The following PPARA variants were observed in gnomAD, a reference collection of about 807,000 sequenced individuals.
The protein encoded by PPARA is peroxisome proliferator-activated receptor alpha.
A neutral mutation model predicts 42.2 loss-of-function variants in PPARA; 22 were observed. The ratio of observed to expected loss-of-function variants is 0.52; its 90% CI spans 0.37 to 0.74. The LOEUF (loss-of-function observed/expected upper bound fraction) is 0.74. Among genes scored for constraint, PPARA ranks in the 30% least tolerant of loss-of-function variants. The pLI, the probability that PPARA is intolerant of heterozygous loss-of-function variation, is 0.00. For synonymous variants in PPARA, 242 were observed against 239.3 expected, an observed-to-expected ratio of 1.01 and a Z score of -0.10; for missense variants, 465 against 608.2, an observed-to-expected ratio of 0.76 and a Z score of 2.48.
chr22:46,223,117 C>T (rs1246294039), intron 7 of PPARA, among the ~76,000 whole-genome samples: 1 of 152,188 alleles, frequency 6.6e-6, no homozygotes, highest in Non-Finnish European at 1.5e-5. Flanking sequence ...GATCGCGCCA[C>T]TGCACTCCAG....
rs1028551756 is a variant in PPARA, at chr22:46,222,605, G to A, written c.711+2591G>A. Among the ~76,000 whole-genome samples the A allele has an allele frequency of 6.6e-6, 1 of 152,178 alleles. No homozygotes were observed. Among genetic ancestry groups the A allele is most frequent in the Non-Finnish European group, 1.5e-5 (1 of 68,032 alleles). ...CCCAATTAGAACTTTCCTGGATTAC[G>A]AGAGTGAAAGAAAAGGTAACTTTTA... On this transcript the variant is annotated intron_variant, in intron 7 of 8. Coordinates refer to ENST00000407236, the MANE Select transcript of PPARA (RefSeq NM_005036.6). The surrounding 1 kb of genome is among the most constrained non-coding windows in gnomAD (Gnocchi z 5.9).
rs748231811 is a variant in PPARA, at chr22:46,165,660, C to T, written c.-126-11093C>T. 1.3e-5 allele frequency among the ~76,000 whole-genome samples: 2 copies of T among 152,172 alleles called. No individual in the cohort carries two copies. The highest frequency in any genetic ancestry group is 1.9e-4 in the East Asian group (1 of 5,200). On this transcript the variant is annotated intron_variant, in intron 2 of 8. Coordinates refer to ENST00000407236, the MANE Select transcript of PPARA (RefSeq NM_005036.6). This position sits in a 1 kb window ranked among gnomAD's most constrained non-coding sequence, Gnocchi z 5.5. ...TACAGGTGACCTGGAAACGGATCAG[C>T]GTAATCGAGGACTGAAGTCCAGTTC...
At position 46,218,280 on chromosome 22, in the gene PPARA, G is replaced by A. The variant is rs768967658; in HGVS notation, c.387G>A (p.Thr129=). The A allele has an allele frequency of 1.4e-5, 22 of 1,613,948 alleles. No homozygotes were observed. The highest frequency in any genetic ancestry group is 1.6e-4 in the Middle Eastern group (1 of 6,084). The change falls in exon 6 of 9, where the codon ACG becomes ACA. Residue 129 remains threonine (T), a synonymous_variant. Coordinates refer to ENST00000407236, the MANE Select transcript of PPARA (RefSeq NM_005036.6). ...CCTCACAGGGCTTCTTTCGGCGAAC[G>A]ATTCGACTCAAGCTGGTGTATGACA... ...CEGCKGFFRR[T]IRLKLVYDKC...
intron 4 of PPARA, among the ~76,000 whole-genome samples, chr22:46,201,433 C>A (rs5766714): frequency 6.6e-6 from 1 of 152,052 alleles, no homozygotes; most frequent in Non-Finnish European, 1.5e-5. Flanking sequence ...AGAGGATAAG[C>A]GCTGTGGAAG....
At position 46,241,921 on chromosome 22, in the gene PPARA, A is replaced by G. The variant is rs1349482348; in HGVS notation, c.*6541A>G. On this transcript the variant is annotated 3_prime_UTR_variant, in exon 9 of 9. Transcript: ENST00000407236. This position sits in a 1 kb window ranked among gnomAD's most constrained non-coding sequence, Gnocchi z 5.7. ...TGTTAGATGGATTATTTGAAAAAAA[A>G]AAAAAAAAAAGAGAGAAAAAATAAT... The G allele has an allele frequency of 6.6e-6, 1 of 151,870 alleles. No homozygotes were observed. Among genetic ancestry groups the G allele is most frequent in the African/African-American group, 2.4e-5 (1 of 41,346 alleles). The allele number at this position is 151,870 out of a possible 1,614,324, so 9.4% of individuals were successfully genotyped here. A position where few individuals can be genotyped will look rare whatever the true frequency, so the allele number is the denominator to read the frequency against.
chr22:46,226,521 G>T (rs1051499549), intron 7 of PPARA, among the ~76,000 whole-genome samples: 1 of 152,166 alleles, frequency 6.6e-6, no homozygotes, highest in Non-Finnish European at 1.5e-5. Flanking sequence ...GCTCCAAATT[G>T]TTGGGGATTA....
In PPARA at chr22:46,162,589, T is replaced by C. The variant is rs985951390; in HGVS notation, c.-127+10619T>C. 3.3e-5 allele frequency among the ~76,000 whole-genome samples: 5 copies of C among 152,174 alleles called. No homozygotes were observed. The highest frequency in any genetic ancestry group is 1.2e-4 in the African/African-American group (5 of 41,452). On this transcript the variant is annotated intron_variant, in intron 2 of 8. Transcript: ENST00000407236. This position sits in a 1 kb window ranked among gnomAD's most constrained non-coding sequence, Gnocchi z 6.0. The stretch of plus-strand genomic sequence containing the variant: ...ACTCAGGCAGTGTTTATTCAAGTGA[T>C]GGCTTGGTGACAGTGGCTCTCCCTG...
rs963352690 is a variant in PPARA, at chr22:46,165,623, C to T, written c.-126-11130C>T. Among the ~76,000 whole-genome samples, 30 of 152,162 alleles carry T rather than the reference C, an allele frequency of 2.0e-4. No homozygotes were observed. Among genetic ancestry groups the T allele is most frequent in the Non-Finnish European group, 2.1e-4 (14 of 68,026 alleles). On this transcript the variant is annotated intron_variant, in intron 2 of 8. Coordinates refer to ENST00000407236, the MANE Select transcript of PPARA (RefSeq NM_005036.6). The surrounding 1 kb of genome is among the most constrained non-coding windows in gnomAD (Gnocchi z 5.5). The stretch of plus-strand genomic sequence containing the variant: ...CTTTGGATTGGGACCCAAAAAAGCT[C>T]CATCCCAGGAGTACAGGTGACCTGG...
chr22:46,223,949 CAAA>C (rs961106248), intron 7 of PPARA, among the ~76,000 whole-genome samples: 7 of 91,036 alleles, frequency 7.7e-5, no homozygotes, highest in African/African-American at 8.2e-5. Context: ...GACTCCATCT[CAAA>C]AAAAAAAAAA....
In PPARA at chr22:46,235,499, C is replaced by T. The variant is rs1234847591; in HGVS notation, c.*119C>T. ...CACCACTTTAACCTTAGAGCTTGGACAGTCTGAGCTGTAGGTAACCGGCAT... is the reference window on the plus strand; with the variant it reads ...CACCACTTTAACCTTAGAGCTTGGATAGTCTGAGCTGTAGGTAACCGGCAT... On this transcript the variant is annotated 3_prime_UTR_variant, in exon 9 of 9. Coordinates refer to ENST00000407236, the MANE Select transcript of PPARA (RefSeq NM_005036.6). The surrounding 1 kb of genome is among the most constrained non-coding windows in gnomAD (Gnocchi z 7.0). The T allele has an allele frequency of 1.5e-5, 20 of 1,335,672 alleles. No homozygotes were observed. Among genetic ancestry groups the T allele is most frequent in the Non-Finnish European group, 2.1e-5 (20 of 960,440 alleles). The allele number at this position is 1,335,672 out of a possible 1,614,324, so 82.7% of individuals were successfully genotyped here.
chr22:46,162,316 A>T lies in PPARA; in HGVS notation c.-127+10346A>T, dbSNP rs1174216720. Among the ~76,000 whole-genome samples the T allele has an allele frequency of 6.6e-6, 1 of 152,186 alleles. No individual in the cohort carries two copies. The highest frequency in any genetic ancestry group is 2.4e-5 in the African/African-American group (1 of 41,452). ...AATGTTTATGGGATGAGAGGTTGAT[A>T]GGAGGGCATGGCCCTGACATTCCAG... On this transcript the variant is annotated intron_variant, in intron 2 of 8. Transcript: ENST00000407236. The surrounding 1 kb of genome is among the most constrained non-coding windows in gnomAD (Gnocchi z 6.0).
intron 7 of PPARA, among the ~76,000 whole-genome samples, chr22:46,226,101 C>A (rs1935426300): frequency 6.6e-6 from 1 of 151,900 alleles, no homozygotes; most frequent in Non-Finnish European, 1.5e-5. Flanking sequence ...CACACATACC[C>A]TCACCTTATG....
chr22:46,197,686 G>T (rs1932442014), intron 3 of PPARA, among the ~76,000 whole-genome samples: 1 of 151,892 alleles, frequency 6.6e-6, no homozygotes, highest in East Asian at 2.0e-4. Flanking sequence ...CGGATCACCT[G>T]AAGTCAGGAG....
chr22:46,159,447 C>T (rs944104336), intron 2 of PPARA, among the ~76,000 whole-genome samples: 1 of 152,116 alleles, frequency 6.6e-6, no homozygotes, highest in African/African-American at 2.4e-5. Context: ...GTTACAGAAC[C>T]TGTCACCAGA....
At chr22:46,166,831 G>T (rs182819554) in intron 2 of PPARA, among the ~76,000 whole-genome samples, 26 of 152,260 alleles carry the variant, frequency 1.7e-4, no homozygotes, top group South Asian at 1.4e-3. Flanking sequence ...CAGATTCAAA[G>T]CAATCGGAAT....
rs978652562 is a variant in PPARA at position 46,187,622 on chromosome 22, C to A, written c.-42-10720C>A. Among the ~76,000 whole-genome samples, 3 of 152,186 alleles carry A rather than the reference C, an allele frequency of 2.0e-5. No homozygotes were observed. Among genetic ancestry groups the A allele is most frequent in the Non-Finnish European group, 4.4e-5 (3 of 68,044 alleles). On this transcript the variant is annotated intron_variant, in intron 3 of 8. Transcript: ENST00000407236. This position sits in a 1 kb window ranked among gnomAD's most constrained non-coding sequence, Gnocchi z 4.9. ...GACAATCCTGATACAAATCTGATCA[C>A]GTCACACTTCCCTTCAATAGTCTTC...
chr22:46,168,376 A>AAG (rs1927435014), intron 2 of PPARA, among the ~76,000 whole-genome samples: 1 of 148,070 alleles, frequency 6.8e-6, no homozygotes, highest in Non-Finnish European at 1.5e-5. Context: ...AAAAAAAAAA[A>AAG]AAGAAGAAAG....
In PPARA at chr22:46,222,938, T is replaced by C. The variant is rs1003999867; in HGVS notation, c.711+2924T>C. ...TACTTGGGAAGCTGAGATGGGAGGATGGCTTGAGCCCAGGAGTTCAAAACC... is the reference window on the plus strand; with the variant it reads ...TACTTGGGAAGCTGAGATGGGAGGACGGCTTGAGCCCAGGAGTTCAAAACC... On this transcript the variant is annotated intron_variant, in intron 7 of 8. Coordinates refer to ENST00000407236, the MANE Select transcript of PPARA (RefSeq NM_005036.6). The surrounding 1 kb of genome is among the most constrained non-coding windows in gnomAD (Gnocchi z 5.9). Among the ~76,000 whole-genome samples, 4 of 152,104 alleles carry C rather than the reference T, an allele frequency of 2.6e-5. No homozygotes were observed. The highest frequency in any genetic ancestry group is 4.4e-5 in the Non-Finnish European group (3 of 68,000).
intron 3 of PPARA, among the ~76,000 whole-genome samples, chr22:46,186,457 A>C (rs1930814949): frequency 6.6e-6 from 1 of 152,170 alleles, no homozygotes; most frequent in Admixed American, 6.5e-5. Flanking sequence ...TTCAAGGATG[A>C]AGGCGTGGGC....
Sources: allele counts gnomAD v4.1 joint callset (sites outside exome capture counted in the v4.1 genomes callset), GRCh38; gene constraint gnomAD v4.1.1; non-coding constraint Gnocchi (gnomAD v3.1); transcripts MANE v1.5; gene names NCBI Gene and HGNC (gene_info 2026-07-23, HGNC 2026-07-21).